BUB1B: variants seen among roughly 807,000 people sequenced by gnomAD.
BUB1B encodes the protein BUB1 mitotic checkpoint serine/threonine kinase B.
A neutral mutation model predicts 137.7 loss-of-function variants in BUB1B; 86 were observed. The ratio of observed to expected loss-of-function variants is 0.62; its 90% CI spans 0.52 to 0.75. BUB1B has a LOEUF of 0.75. BUB1B is among the 30% of genes least tolerant of loss of function. BUB1B has a pLI of 0.00. For missense variants in BUB1B, 1,130 were observed against 1,236.9 expected (o/e 0.91, Z 1.30); for synonymous variants, 420 against 417.9 (o/e 1.00, Z -0.06).
rs1595527774 is a variant in BUB1B, at chr15:40,199,603, T to C, written c.1289-12T>C. The C allele has an allele frequency of 1.2e-6, 2 of 1,610,654 alleles. No homozygotes were observed. Among genetic ancestry groups the C allele is most frequent in the Non-Finnish European group, 1.7e-6 (2 of 1,176,884 alleles). Reference sequence around the variant, plus strand: ...TGAGGAATAATACCTCAAGCAACTTTACTGTTTCTAGCCGAGCTATTGACC... The same window carrying C: ...TGAGGAATAATACCTCAAGCAACTTCACTGTTTCTAGCCGAGCTATTGACC... On this transcript the variant is annotated splice_polypyrimidine_tract_variant and intron_variant, in intron 9 of 22. Coordinates refer to ENST00000287598, the MANE Select transcript of BUB1B (RefSeq NM_001211.6).
chr15:40,186,646 C>A (rs11632050), intron 8 of BUB1B, among the ~76,000 whole-genome samples: 12 of 150,814 alleles, frequency 8.0e-5, no homozygotes, highest in Non-Finnish European at 8.9e-5. Context: ...GGGGTTTCAC[C>A]GTGTTAGCCA....
intron 20 of BUB1B, 21 bp from the exon 21 acceptor site, chr15:40,217,475 T>G: frequency 2.5e-6 from 4 of 1,613,176 alleles, no homozygotes; most frequent in South Asian, 1.1e-5. Context: ...TATTATCTCC[T>G]TCTCTTAAAT....
intron 20 of BUB1B, among the ~76,000 whole-genome samples, chr15:40,216,547 C>CTA (rs763770679): frequency 1.6e-3 from 206 of 125,486 alleles, no homozygotes; most frequent in Admixed American, 4.7e-3. Flanking sequence ...TATATATATA[C>CTA]TATATATATA....
chr15:40,183,675 T>C (rs2037323088), intron 5 of BUB1B, 39 bp from the exon 6 acceptor site: 3 of 1,602,972 alleles, frequency 1.9e-6, no homozygotes, highest in Non-Finnish European at 2.6e-6. Context: ...GGTAAAATAG[T>C]GGTCACCTCA....
intron 17 of BUB1B, 87 bp downstream of exon 17, chr15:40,209,862 G>A (rs1457246631): frequency 1.3e-5 from 20 of 1,521,588 alleles, no homozygotes; most frequent in Non-Finnish European, 1.8e-5. Flanking sequence ...CTTGAGCACT[G>A]TAAATATTCC....
rs1801376 is a variant in BUB1B at position 40,185,630 on chromosome 15, G to A, written c.1046G>A (p.Arg349Gln). Residue 349 changes from arginine to glutamine, a missense_variant, in exon 8 of 23, where the codon CGA (arginine) becomes CAA (glutamine). Coordinates refer to ENST00000287598, the MANE Select transcript of BUB1B (RefSeq NM_001211.6). ...SFTPYVEETA[R>Q]QPVMTPCKIE... ...ACTCCATATGTGGAAGAGACTGCAC[G>A]ACAGCCAGTTATGTGAGTGTGGTTT... The A allele has an allele frequency of 0.69, 1,106,736 of 1,612,848 alleles. 385,531 individuals carry two copies. The highest frequency in any genetic ancestry group is 0.83 in the African/African-American group (61,867 of 74,990).
chr15:40,166,306 A>T (rs959837136), intron 2 of BUB1B: 1 of 422,340 alleles, frequency 2.4e-6, no homozygotes, highest in Non-Finnish European at 4.6e-6. Context: ...TTCTTGAACA[A>T]GGCTTTTTGT....
chr15:40,181,442 T>C (rs138250393), intron 5 of BUB1B, among the ~76,000 whole-genome samples: 1 of 152,300 alleles, frequency 6.6e-6, no homozygotes, highest in East Asian at 1.9e-4. Flanking sequence ...CCTTTTGAAT[T>C]TGTAAATGTA....
intron 2 of BUB1B, among the ~76,000 whole-genome samples, chr15:40,169,609 C>CTTTTTTTTTTTTTTTTT (rs893767898): frequency 3.1e-5 from 3 of 96,950 alleles, no homozygotes; most frequent in Admixed American, 1.2e-4. Context: ...TATTTCTATT[C>CTTTTTTTTTTTTTTTTT]TTTTTTTTTT....
chr15:40,164,924 A>G, intron 1 of BUB1B, 129 bp from the exon 2 acceptor site: 1 of 1,109,702 alleles, frequency 9.0e-7, no homozygotes, highest in Non-Finnish European at 1.3e-6. Flanking sequence ...TAATAATAAT[A>G]ATTATGTGTC....
intron 6 of BUB1B, 85 bp from the exon 7 acceptor site, chr15:40,185,080 G>C: frequency 8.7e-7 from 1 of 1,143,464 alleles, no homozygotes; most frequent in Non-Finnish European, 1.3e-6. Flanking sequence ...CTGTCCTTGA[G>C]TTGAGGAAGA....
intron 20 of BUB1B, among the ~76,000 whole-genome samples, chr15:40,215,225 G>T (rs2037761157): frequency 6.6e-6 from 1 of 152,160 alleles, no homozygotes; most frequent in Admixed American, 6.5e-5. Flanking sequence ...ATCAATCCCA[G>T]CACTTTTGGA....
Position 40,174,506 on chromosome 15 carries a change from A to G in BUB1B, c.385-1971A>G, listed in dbSNP as rs1053868822. ...TTATCTGAAAGACAAATATGAAGCC[A>G]TTAATTGTAACTGTAACAGAGAGAA... On this transcript the variant is annotated intron_variant, in intron 4 of 22. Transcript: ENST00000287598. 5.3e-5 allele frequency among the ~76,000 whole-genome samples: 8 copies of G among 152,364 alleles called. No homozygotes were observed. In the East Asian group the frequency reaches 1.5e-3, roughly 29 times the overall value.
At chr15:40,161,354 A>T in intron 1 of BUB1B, 99 bp downstream of exon 1, 1 of 1,378,674 alleles carries the variant, frequency 7.3e-7, no homozygotes, top group South Asian at 1.5e-5. Flanking sequence ...GGAGATCGGC[A>T]CCGTCAGAAC....
At chr15:40,163,913 A>G (rs1307382816) in intron 1 of BUB1B, among the ~76,000 whole-genome samples, 1 of 152,206 alleles carries the variant, frequency 6.6e-6, no homozygotes, top group Non-Finnish European at 1.5e-5. Flanking sequence ...AGTCACATAT[A>G]ACTTTCACTC....
chr15:40,202,627 G>A lies in BUB1B; in HGVS notation c.1667G>A (p.Arg556Lys). Residue 556 changes from arginine to lysine, a missense_variant, in exon 14 of 23, where the codon AGA becomes AAA. Arg to Lys is a conservative substitution (Grantham distance 26, BLOSUM62 2). Transcript: ENST00000287598. ...CCCCCACGAGTTTTAGCTCAACGAA[G>A]ACCCCTTGCAGTTCTCAAAACCTCA... ...ADPPRVLAQRRPLAVLKTSES... is the reference protein window; with the variant it reads ...ADPPRVLAQRKPLAVLKTSES... The A allele has an allele frequency of 6.2e-7, 1 of 1,614,028 alleles. No homozygotes were observed. Among genetic ancestry groups the A allele is most frequent in the African/African-American group, 1.3e-5 (1 of 74,992 alleles).
chr15:40,173,139 G>A (rs185433449), intron 4 of BUB1B, among the ~76,000 whole-genome samples: 5 of 151,900 alleles, frequency 3.3e-5, no homozygotes, highest in Non-Finnish European at 7.4e-5. Context: ...GCAAAAATTA[G>A]CCGCACGTGG....
At chr15:40,170,261 T>A in intron 3 of BUB1B, 140 bp downstream of exon 3, 1 of 852,912 alleles carries the variant, frequency 1.2e-6, no homozygotes, top group South Asian at 1.5e-5. Flanking sequence ...AGAATAATCA[T>A]AATATATCTT....
chr15:40,176,111 G>C (rs376176836), intron 4 of BUB1B, among the ~76,000 whole-genome samples: 2 of 152,066 alleles, frequency 1.3e-5, no homozygotes, highest in South Asian at 4.2e-4. Flanking sequence ...ACCATGCCCA[G>C]CTAAAGTTTT....
Sources: allele counts gnomAD v4.1 joint callset (sites outside exome capture counted in the v4.1 genomes callset), GRCh38; gene constraint gnomAD v4.1.1; transcripts MANE v1.5; gene names NCBI Gene and HGNC (gene_info 2026-07-23, HGNC 2026-07-21).